SPAG16: variants seen among roughly 807,000 people sequenced by gnomAD.
SPAG16 encodes sperm-associated antigen 16 protein.
Under a neutral mutation model 80.4 loss-of-function variants are expected in SPAG16, and 86 were observed. The observed-to-expected ratio is 1.07, with a 90% CI of 0.90 to 1.28. The LOEUF (loss-of-function observed/expected upper bound fraction) is 1.28. SPAG16 is among the 50% of genes most tolerant of loss of function. The pLI, the probability that SPAG16 is intolerant of heterozygous loss-of-function variation, is 0.00. For missense variants in SPAG16, 870 were observed against 765.3 expected, an observed-to-expected ratio of 1.14 and a Z score of -1.61; for synonymous variants, 294 against 265.9, an observed-to-expected ratio of 1.11 and a Z score of -1.03.
At chr2:214,071,425 G>A (rs1431004475) in intron 13 of SPAG16, among the ~76,000 whole-genome samples, 1 of 152,064 alleles carries the variant, frequency 6.6e-6, no homozygotes, top group Non-Finnish European at 1.5e-5. Flanking sequence ...AAGTAATTCA[G>A]TAAACAGTAT....
intron 10 of SPAG16, among the ~76,000 whole-genome samples, chr2:213,738,805 T>C (rs2067413612): frequency 6.6e-6 from 1 of 152,164 alleles, no homozygotes; most frequent in African/African-American, 2.4e-5. Flanking sequence ...GGGCTCCATT[T>C]GGGGAGATAG....
rs76817163 is a variant in SPAG16 at position 213,389,003 on chromosome 2, T to G, written c.942+13884T>G. Among the ~76,000 whole-genome samples the G allele has an allele frequency of 7.9e-3, 1,206 of 152,284 alleles. 15 individuals carry two copies. The highest frequency in any genetic ancestry group is 0.028 in the African/African-American group (1,159 of 41,568). On this transcript the variant is annotated intron_variant, in intron 9 of 15. Transcript: ENST00000331683. Reference sequence around the variant, plus strand: ...AGAACAAACTTGGAAGACTCATACTTTCTTATTTCTAAACTACTGCAAAGC... The same window carrying G: ...AGAACAAACTTGGAAGACTCATACTGTCTTATTTCTAAACTACTGCAAAGC...
intron 15 of SPAG16, among the ~76,000 whole-genome samples, chr2:214,406,976 C>A (rs369902195): frequency 2.0e-4 from 30 of 152,074 alleles, no homozygotes; most frequent in East Asian, 9.6e-4. Flanking sequence ...ATAGCAGTTA[C>A]AAAATTAAAT....
chr2:214,319,145 A>G lies in SPAG16; in HGVS notation c.1721-90995A>G, dbSNP rs146151667. Among the ~76,000 whole-genome samples the G allele has an allele frequency of 7.8e-3, 1,168 of 149,210 alleles. 9 individuals are homozygous for G. The highest frequency in any genetic ancestry group is 0.012 in the Non-Finnish European group (786 of 67,462). On this transcript the variant is annotated intron_variant, in intron 15 of 15. Coordinates refer to ENST00000331683, the MANE Select transcript of SPAG16 (RefSeq NM_024532.5). ...AGTGGAGAAAAGGACTGCTCTACCT[A>G]TGGAGTAGCCATTCTTTATTCTTTC...
intron 11 of SPAG16, among the ~76,000 whole-genome samples, chr2:213,882,842 G>A (rs1308535710): frequency 1.5e-5 from 2 of 132,240 alleles, no homozygotes; most frequent in Admixed American, 7.9e-5. Flanking sequence ...TAGCTTTGTG[G>A]TTGGTTGTTT....
At chr2:214,125,848 A>G (rs2054447802) in intron 14 of SPAG16, among the ~76,000 whole-genome samples, 1 of 151,514 alleles carries the variant, frequency 6.6e-6, no homozygotes, top group Non-Finnish European at 1.5e-5. Context: ...TGAAAACTTA[A>G]AAGACCCGGG....
At chr2:213,442,152 A>T (rs2071009966) in intron 9 of SPAG16, among the ~76,000 whole-genome samples, 1 of 152,118 alleles carries the variant, frequency 6.6e-6, no homozygotes. Flanking sequence ...CGTCTCAAAA[A>T]ACAAACAAAC....
intron 15 of SPAG16, among the ~76,000 whole-genome samples, chr2:214,304,401 C>A (rs1694775513): frequency 6.6e-6 from 1 of 152,200 alleles, no homozygotes; most frequent in East Asian, 1.9e-4. Context: ...AAACCACAAA[C>A]AATAGCATGA....
At chr2:213,392,197 C>T (rs992567351) in intron 9 of SPAG16, among the ~76,000 whole-genome samples, 3 of 152,150 alleles carry the variant, frequency 2.0e-5, no homozygotes, top group African/African-American at 7.2e-5. Flanking sequence ...TTATGTCACC[C>T]TGGCATGATA....
intron 12 of SPAG16, among the ~76,000 whole-genome samples, chr2:213,986,900 A>T (rs796690220): frequency 7.0e-6 from 1 of 142,638 alleles, no homozygotes; most frequent in African/African-American, 2.6e-5. Flanking sequence ...GCAAAAAAAA[A>T]AAAAAAAAAA....
At chr2:213,333,610 GA>G (rs1288270335) in intron 5 of SPAG16, among the ~76,000 whole-genome samples, 1 of 151,948 alleles carries the variant, frequency 6.6e-6, no homozygotes, top group African/African-American at 2.4e-5. Flanking sequence ...TTATACTACA[GA>G]AATATAGTAA....
At chr2:213,512,706 A>C (rs973497495) in intron 10 of SPAG16, among the ~76,000 whole-genome samples, 3 of 152,158 alleles carry the variant, frequency 2.0e-5, no homozygotes, top group Non-Finnish European at 4.4e-5. Flanking sequence ...AAACACTGCC[A>C]GGATTTTCCA....
intron 12 of SPAG16, among the ~76,000 whole-genome samples, chr2:213,981,321 T>A (rs1040175609): frequency 2.6e-5 from 4 of 152,044 alleles, no homozygotes; most frequent in African/African-American, 9.7e-5. Flanking sequence ...GGACTTCCTA[T>A]AAGGAAAAAA....
chr2:213,328,055 A>C (rs2063918931), intron 5 of SPAG16, among the ~76,000 whole-genome samples: 1 of 152,148 alleles, frequency 6.6e-6, no homozygotes, highest in Non-Finnish European at 1.5e-5. Flanking sequence ...GTCACATTGC[A>C]ATGAAGAATT....
chr2:213,814,766 G>T (rs1457208510), intron 10 of SPAG16, among the ~76,000 whole-genome samples: 1 of 149,182 alleles, frequency 6.7e-6, no homozygotes, highest in Non-Finnish European at 1.5e-5. Context: ...CTCCAGCCTG[G>T]TGACACAATG....
At chr2:213,861,993 T>G (rs1410222202) in intron 10 of SPAG16, among the ~76,000 whole-genome samples, 1 of 151,734 alleles carries the variant, frequency 6.6e-6, no homozygotes, top group Non-Finnish European at 1.5e-5. Context: ...GAGTTAATGT[T>G]TCATTTATAG....
intron 10 of SPAG16, among the ~76,000 whole-genome samples, chr2:213,666,586 T>C (rs1041759496): frequency 5.9e-5 from 9 of 152,202 alleles, no homozygotes; most frequent in African/African-American, 1.9e-4. Context: ...AATGTCCAAT[T>C]GACAAGTTTA....
intron 15 of SPAG16, among the ~76,000 whole-genome samples, chr2:214,389,976 G>C (rs1236665433): frequency 6.6e-6 from 1 of 152,058 alleles, no homozygotes; most frequent in Non-Finnish European, 1.5e-5. Flanking sequence ...ATTAACCTTG[G>C]AGCCCAAGCT....
chr2:213,929,938 C>T (rs1351026114), intron 11 of SPAG16, 22 bp from the exon 12 acceptor site: 1 of 1,596,810 alleles, frequency 6.3e-7, no homozygotes. Context: ...AACAAGCTGT[C>T]TTTTTATGTT....
Sources: allele counts gnomAD v4.1 joint callset (sites outside exome capture counted in the v4.1 genomes callset), GRCh38; gene constraint gnomAD v4.1.1; transcripts MANE v1.5; gene names NCBI Gene and HGNC (gene_info 2026-07-23, HGNC 2026-07-21).